The following FRMPD4 variants were observed in gnomAD, a reference collection of about 807,000 sequenced individuals.
The protein encoded by FRMPD4 is FERM and PDZ domain containing 4.
Under a neutral mutation model 94.1 loss-of-function variants are expected in FRMPD4, and 22 were observed. The ratio of observed to expected loss-of-function variants is 0.23; its 90% confidence interval spans 0.17 to 0.33. The LOEUF (loss-of-function observed/expected upper bound fraction) is 0.33. Ranked by LOEUF, FRMPD4 falls within the 10% of genes least tolerant of loss-of-function variation. The pLI, the probability that FRMPD4 is intolerant of heterozygous loss-of-function variation, is 1.00. For synonymous variants in FRMPD4, 631 were observed against 548.6 expected (o/e 1.15, Z -2.10); for missense variants, 1,111 against 1,339.9 (o/e 0.83, Z 2.67).
chrX:12,718,794 C>T lies in FRMPD4; in HGVS notation c.3964+4C>T. ...CCCAAGATTAAGGAAACCACAGGTA[C>T]AGCAATGATGGATTTAGCACTTTGT... On this transcript the variant is annotated splice_donor_region_variant and intron_variant, in intron 16 of 16. Coordinates refer to ENST00000675598, the MANE Select transcript of FRMPD4 (RefSeq NM_001368397.1). 8.9e-7 allele frequency: 1 copy of T among 1,123,707 alleles called. No individual in the cohort carries two copies. Among genetic ancestry groups the T allele is most frequent in the East Asian group, 3.0e-5 (1 of 33,362 alleles). The allele number at this position is 1,123,707 out of a possible 1,213,427, so 92.6% of individuals were successfully genotyped here.
chrX:11,832,563 C>A (rs2053481158), intron 1 of FRMPD4, among the ~76,000 whole-genome samples: 1 of 111,710 alleles, frequency 9.0e-6, no homozygotes, highest in Non-Finnish European at 1.9e-5. Flanking sequence ...AATCAGGGAA[C>A]CTCGGGGTTG....
At chrX:12,512,716 A>G (rs2058056289) in intron 2 of FRMPD4, among the ~76,000 whole-genome samples, 1 of 112,596 alleles carries the variant, frequency 8.9e-6, no homozygotes, top group African/African-American at 3.2e-5. Context: ...AGAATGATCT[A>G]TATTCCTTTG....
chrX:12,456,224 C>A (rs1467869779), intron 1 of FRMPD4, among the ~76,000 whole-genome samples: 1 of 111,967 alleles, frequency 8.9e-6, no homozygotes, highest in African/African-American at 3.2e-5. Flanking sequence ...GCTGATGTGA[C>A]TACTCAAGTC....
chrX:11,852,846 G>A (rs1231476587), intron 1 of FRMPD4, among the ~76,000 whole-genome samples: 2 of 111,503 alleles, frequency 1.8e-5, no homozygotes, highest in Non-Finnish European at 3.8e-5. Flanking sequence ...TTAGGTCATT[G>A]AGACAGAAAA....
chrX:12,021,280 G>T (rs2054630741), intron 3 of FRMPD4, among the ~76,000 whole-genome samples: 2 of 111,485 alleles, frequency 1.8e-5, no homozygotes, highest in South Asian at 3.8e-4. Flanking sequence ...TTAGAGCAGT[G>T]TTCAAGTGAT....
At position 12,062,675 on chromosome X, in the gene FRMPD4, C is replaced by A. The variant is rs187875306; in HGVS notation, c.95+184657C>A. Among the ~76,000 whole-genome samples the A allele has an allele frequency of 5.4e-5, 6 of 111,009 alleles. No individual in the cohort carries two copies. The East Asian group carries it at 1.7e-3, about 31-fold the overall frequency. ...TGGGTGGATAGATAAATGTGTGGAG[C>A]AGAGGTTGTTTGTGCTGTTGTCAAA... is the stretch of plus-strand genomic sequence containing the variant. On this transcript the variant is annotated intron_variant, in intron 3 of 18. Coordinates refer to the FRMPD4 transcript ENST00000640291.
chrX:12,458,990 A>G (rs142716585), intron 1 of FRMPD4, among the ~76,000 whole-genome samples: 1,683 of 112,073 alleles, frequency 0.015, 40 homozygotes, highest in African/African-American at 0.052. Context: ...AGTACAAAAC[A>G]ATATAACTCC....
intron 3 of FRMPD4, among the ~76,000 whole-genome samples, chrX:11,985,052 A>T (rs1277205431): frequency 8.9e-6 from 1 of 112,225 alleles, no homozygotes; most frequent in Non-Finnish European, 1.9e-5. Context: ...GTGGAGCAAG[A>T]TGGACAAACA....
chrX:12,694,560 C>T (rs2147125085), intron 9 of FRMPD4, 106 bp downstream of exon 9: 1 of 558,926 alleles, frequency 1.8e-6, no homozygotes. Flanking sequence ...TTGTCCCCCA[C>T]CTCAAGCTCA....
At chrX:12,677,477 T>TAA (rs35199206) in intron 5 of FRMPD4, among the ~76,000 whole-genome samples, 1 of 98,817 alleles carries the variant, frequency 1.0e-5, no homozygotes. Context: ...TTGCTTTTTG[T>TAA]AAAAAAAAAA....
intron 4 of FRMPD4, among the ~76,000 whole-genome samples, chrX:12,617,234 C>T (rs2059244615): frequency 9.0e-6 from 1 of 111,620 alleles, no homozygotes; most frequent in Non-Finnish European, 1.9e-5. Context: ...TTTTTTTATA[C>T]GATTTTTTAA....
intron 14 of FRMPD4, 134 bp downstream of exon 14, chrX:12,710,671 G>A: frequency 2.0e-6 from 1 of 505,321 alleles, no homozygotes; most frequent in Admixed American, 3.5e-5. Flanking sequence ...ACTTTGGGAG[G>A]CCAAGGCAGG....
In FRMPD4 at chrX:12,674,903, TA is replaced by T; in HGVS notation, c.464del (p.Tyr155SerfsTer17). On this transcript the variant is annotated frameshift_variant, in exon 5 of 17. Transcript: ENST00000675598. LOFTEE classifies it high-confidence loss of function. Reference sequence around the variant, plus strand: ...GATACTCCTCACTGTCATTCAGCCTTACCCTGTAAGTGTTCTGTGAATAAAA... The same window carrying T: ...GATACTCCTCACTGTCATTCAGCCTTCCCTGTAAGTGTTCTGTGAATAAAA... ...ESILLTVIQP[Y>X]PSPKSAFISA... The T allele has an allele frequency of 8.7e-7, 1 of 1,146,196 alleles. No individual in the cohort carries two copies. The highest frequency in any genetic ancestry group is 1.2e-6 in the Non-Finnish European group (1 of 835,428). 94.5% of individuals were successfully genotyped at this position (1,146,196 alleles called of 1,213,427 possible).
At chrX:12,517,488 C>T (rs2058112813) in intron 2 of FRMPD4, among the ~76,000 whole-genome samples, 1 of 108,126 alleles carries the variant, frequency 9.2e-6, no homozygotes, top group African/African-American at 3.4e-5. Context: ...GCTGGGAATC[C>T]ACTCCAGACC....
chrX:12,263,383 G>A (rs184333648), intron 1 of FRMPD4, among the ~76,000 whole-genome samples: 34 of 111,631 alleles, frequency 3.0e-4, no homozygotes, highest in African/African-American at 1.1e-3. Flanking sequence ...TGGAGTGAGT[G>A]TTAGAGGAAG....
chrX:12,382,553 C>T (rs139262897), intron 1 of FRMPD4, among the ~76,000 whole-genome samples: 267 of 110,340 alleles, frequency 2.4e-3, no homozygotes, highest in African/African-American at 8.6e-3. Flanking sequence ...CATAGCATAG[C>T]ATAGCATAGC....
At chrX:12,143,035 A>G (rs1469229300) in intron 1 of FRMPD4, among the ~76,000 whole-genome samples, 1 of 112,506 alleles carries the variant, frequency 8.9e-6, no homozygotes, top group Non-Finnish European at 1.9e-5. Flanking sequence ...GAGAATGTAC[A>G]TTATTGGTGA....
intron 3 of FRMPD4, among the ~76,000 whole-genome samples, chrX:12,078,305 G>A (rs949929265): frequency 3.6e-5 from 4 of 112,252 alleles, no homozygotes; most frequent in African/African-American, 1.3e-4. Flanking sequence ...ATAATAATGC[G>A]AATAGCATCC....
intron 3 of FRMPD4, among the ~76,000 whole-genome samples, chrX:12,130,343 G>T (rs1323786272): frequency 5.4e-5 from 6 of 111,263 alleles, no homozygotes; most frequent in Non-Finnish European, 1.1e-4. Context: ...GTAGCTTAAG[G>T]CTTGATGACC....
Sources: allele counts gnomAD v4.1 joint callset (sites outside exome capture counted in the v4.1 genomes callset), GRCh38; gene constraint gnomAD v4.1.1; transcripts MANE v1.5; gene names NCBI Gene and HGNC (gene_info 2026-07-23, HGNC 2026-07-21).